Variants in PLCL2 observed in about 807,000 individuals in gnomAD.
The protein encoded by PLCL2 is inactive phospholipase C-like protein 2.
Under a neutral mutation model 79.6 loss-of-function variants are expected in PLCL2, and 4 were observed. The observed-to-expected ratio is 0.05, with a 90% CI of 0.02 to 0.11. The LOEUF is 0.11. PLCL2 is among the 10% of genes least tolerant of loss of function. PLCL2 has a pLI of 1.00. For synonymous variants in PLCL2, 484 were observed against 457.7 expected (o/e 1.06, Z -0.73); for missense variants, 895 against 1,291.0 (o/e 0.69, Z 4.70).
At chr3:17,069,171 A>G (rs1338062357) in intron 5 of PLCL2, among the ~76,000 whole-genome samples, 2 of 152,182 alleles carry the variant, frequency 1.3e-5, no homozygotes, top group Non-Finnish European at 2.9e-5. Context: ...ACCCTTCTTC[A>G]TAGTGGAGGG....
intron 3 of PLCL2, among the ~76,000 whole-genome samples, chr3:17,040,592 A>G (rs2064709408): frequency 6.6e-6 from 1 of 152,098 alleles, no homozygotes; most frequent in African/African-American, 2.4e-5. Context: ...TGCCGCTTGC[A>G]AGTGTCTTCA....
intron 5 of PLCL2, among the ~76,000 whole-genome samples, chr3:17,085,466 G>A (rs1272773523): frequency 6.8e-6 from 1 of 146,218 alleles, no homozygotes; most frequent in African/African-American, 2.6e-5. Flanking sequence ...GTCTCACTTT[G>A]TGAGACAGAG....
chr3:16,907,307 T>G (rs1378723694), intron 1 of PLCL2, among the ~76,000 whole-genome samples: 2 of 152,190 alleles, frequency 1.3e-5, no homozygotes, highest in Non-Finnish European at 2.9e-5. Flanking sequence ...AGTTCTTGGG[T>G]AGGCTTATCA....
At chr3:17,042,820 A>C (rs113482467) in intron 3 of PLCL2, 54 bp from the exon 4 acceptor site, 1 of 1,227,858 alleles carries the variant, frequency 8.1e-7, no homozygotes, top group East Asian at 2.3e-5. Flanking sequence ...GCATGAATGC[A>C]GGAGGGGATC....
In PLCL2 at chr3:17,009,693, G is replaced by C. The variant is rs774451232; in HGVS notation, c.347G>C (p.Arg116Thr). ...SIIKDGTKQK[R>T]ERKKTVSFSS... Reference sequence around the variant, plus strand: ...TCTCAGGATGGTACAAAACAGAAGAGGGAACGGAAAAAGACAGTCTCATTC... The same window carrying C: ...TCTCAGGATGGTACAAAACAGAAGACGGAACGGAAAAAGACAGTCTCATTC... Residue 116 changes from arginine (R) to threonine (T), a missense_variant, in exon 2 of 6, where the codon AGG (arginine) becomes ACG (threonine). Arg to Thr is a moderately conservative substitution (Grantham distance 71, BLOSUM62 -1). This residue lies in a region of PLCL2 where 129 missense variants were observed against 208.8 expected (regional missense o/e 0.62). Transcript: ENST00000615277. The surrounding 1 kb of genome is among the most constrained non-coding windows in gnomAD (Gnocchi z 4.0). The C allele has an allele frequency of 1.3e-5, 21 of 1,599,066 alleles. No individual in the cohort carries two copies. The highest frequency in any genetic ancestry group is 1.7e-5 in the Non-Finnish European group (20 of 1,167,576).
At chr3:17,028,225 C>A (rs959057178) in intron 3 of PLCL2, among the ~76,000 whole-genome samples, 2 of 152,112 alleles carry the variant, frequency 1.3e-5, no homozygotes, top group East Asian at 3.9e-4. Flanking sequence ...CTCACCCTTT[C>A]CTAAGGCGAG....
chr3:16,965,369 C>T (rs1270459486), intron 1 of PLCL2, among the ~76,000 whole-genome samples: 1 of 152,060 alleles, frequency 6.6e-6, no homozygotes, highest in African/African-American at 2.4e-5. Flanking sequence ...TGTTCTGTTC[C>T]ATTGGTCTAT....
rs549882265 is a variant in PLCL2, at chr3:17,040,897, A to C, written c.3019-1977A>C. 8.5e-5 allele frequency among the ~76,000 whole-genome samples: 13 copies of C among 152,132 alleles called. No individual in the cohort carries two copies. In the South Asian group the frequency reaches 2.7e-3, roughly 32 times the overall value. On this transcript the variant is annotated intron_variant, in intron 3 of 5. Coordinates refer to ENST00000615277, the MANE Select transcript of PLCL2 (RefSeq NM_001144382.2). Reference sequence around the variant, plus strand: ...CTTTTGCTCCTGTCCTCATTTGTTTAATGACTGGGTTCATTTCCTTGATCA... The same window carrying C: ...CTTTTGCTCCTGTCCTCATTTGTTTCATGACTGGGTTCATTTCCTTGATCA...
rs375824247 is a variant in PLCL2 at position 17,026,116 on chromosome 3, T to C, written c.3018+11205T>C. On this transcript the variant is annotated intron_variant, in intron 3 of 5. Transcript: ENST00000615277. ...ACCCCACCAAAATAACCACTTTTAA[T>C]ACCAGTAAGCTGATTTTACTACCAG... Among the ~76,000 whole-genome samples the C allele has an allele frequency of 3.3e-5, 5 of 152,348 alleles. No homozygotes were observed. In the South Asian group the frequency reaches 1.0e-3, roughly 32 times the overall value.
chr3:16,951,042 A>G (rs2063646831), intron 1 of PLCL2, among the ~76,000 whole-genome samples: 1 of 152,144 alleles, frequency 6.6e-6, no homozygotes, highest in Non-Finnish European at 1.5e-5. Flanking sequence ...TTCCACCCCA[A>G]ATAATGATTC....
chr3:16,966,754 A>G (rs1002043922), intron 1 of PLCL2, among the ~76,000 whole-genome samples: 2 of 152,012 alleles, frequency 1.3e-5, no homozygotes, highest in Non-Finnish European at 2.9e-5. Context: ...GGGAGGGTGT[A>G]TGTGTCCAGG....
intron 1 of PLCL2, among the ~76,000 whole-genome samples, chr3:16,888,856 T>A (rs1464287828): frequency 1.3e-5 from 2 of 152,232 alleles, no homozygotes; most frequent in African/African-American, 2.4e-5. Context: ...TGGTTGATAC[T>A]TTAAAAAATG....
At chr3:17,035,474 GTCC>G (rs1213145756) in intron 3 of PLCL2, among the ~76,000 whole-genome samples, 1 of 152,030 alleles carries the variant, frequency 6.6e-6, no homozygotes, top group Non-Finnish European at 1.5e-5. Flanking sequence ...CAGCCTTGGA[GTCC>G]TCCTCCATGT....
At chr3:16,962,522 TATAA>T (rs765416304) in intron 1 of PLCL2, among the ~76,000 whole-genome samples, 10 of 152,088 alleles carry the variant, frequency 6.6e-5, no homozygotes, top group Non-Finnish European at 1.3e-4. Flanking sequence ...ATAACCTAAC[TATAA>T]ATAATTAGTG....
At chr3:16,943,755 G>GT (rs2063576135) in intron 1 of PLCL2, among the ~76,000 whole-genome samples, 2 of 152,148 alleles carry the variant, frequency 1.3e-5, no homozygotes, top group South Asian at 4.2e-4. Flanking sequence ...GTTGCATGGT[G>GT]TTTTTTGTAA....
At chr3:17,005,005 AC>A (rs10711009) in intron 1 of PLCL2, among the ~76,000 whole-genome samples, 58,986 of 151,724 alleles carry the variant, frequency 0.39, 12,353 homozygotes, top group East Asian at 0.55. Context: ...CCATGCCCAC[AC>A]CCTAGCCCCA....
intron 4 of PLCL2, among the ~76,000 whole-genome samples, chr3:17,051,739 TTG>T (rs1489616760): frequency 6.6e-6 from 1 of 152,202 alleles, no homozygotes; most frequent in African/African-American, 2.4e-5. Flanking sequence ...AGTCTTTTGG[TTG>T]TACAACATGG....
At chr3:16,990,952 G>A (rs1415735188) in intron 1 of PLCL2, among the ~76,000 whole-genome samples, 1 of 152,208 alleles carries the variant, frequency 6.6e-6, no homozygotes, top group Non-Finnish European at 1.5e-5. Context: ...CCCACCCACA[G>A]GATAGAGAGA....
chr3:16,910,386 C>A (rs1331439201), intron 1 of PLCL2, among the ~76,000 whole-genome samples: 1 of 152,154 alleles, frequency 6.6e-6, no homozygotes, highest in African/African-American at 2.4e-5. Context: ...CCTCCCCTTA[C>A]TTCACCCGTC....
Sources: gnomAD v4.1 joint callset for allele counts (sites outside exome capture counted in the v4.1 genomes callset) on GRCh38, gnomAD v4.1.1 for gene constraint, gnomAD v4.1.1 regional missense constraint, Gnocchi (gnomAD v3.1) non-coding constraint, MANE v1.5 for transcripts, NCBI Gene and HGNC (gene_info 2026-07-23, HGNC 2026-07-21) for gene names.